Variants in DNM1 observed in about 807,000 individuals in gnomAD.
DNM1 encodes dynamin-1.
A neutral mutation model predicts 104.6 loss-of-function variants in DNM1; 29 were observed. That is an observed-to-expected ratio of 0.28 (90% CI 0.21 to 0.38). The LOEUF (loss-of-function observed/expected upper bound fraction) is 0.38. Among genes scored for constraint, DNM1 ranks in the 10% least tolerant of loss-of-function variants. The pLI, the probability that DNM1 is intolerant of heterozygous loss-of-function variation, is 1.00. For missense variants in DNM1, 640 were observed against 1,189.4 expected (o/e 0.54, Z 6.79); for synonymous variants, 445 against 475.8 (o/e 0.94, Z 0.84).
chr9:128,217,377 TG>T (rs1274205336), intron 1 of DNM1, among the ~76,000 whole-genome samples: 5 of 152,190 alleles, frequency 3.3e-5, no homozygotes, highest in Non-Finnish European at 5.9e-5. Context: ...ACTAAGCGCC[TG>T]GCATGCAGTA....
At chr9:128,221,938 T>C (rs1208579382) in intron 6 of DNM1, among the ~76,000 whole-genome samples, 4 of 152,150 alleles carry the variant, frequency 2.6e-5, no homozygotes, top group African/African-American at 7.2e-5. Flanking sequence ...AAAGATTAAA[T>C]TGGCCAAAAA....
rs1835103921 is a variant in DNM1, at chr9:128,222,865, G to A, written c.1196+5G>A. On this transcript the variant is annotated splice_donor_5th_base_variant and intron_variant, in intron 9 of 21. Transcript: ENST00000372923. The surrounding 1 kb of genome is among the most constrained non-coding windows in gnomAD (Gnocchi z 7.8). ...CAAGAATATCCATGGCATTAGGCAC[G>A]TATTGGGGCCTGGGAGGGTGGCTGA... 3 of 1,613,908 alleles carry A rather than the reference G, an allele frequency of 1.9e-6. No individual in the cohort carries two copies. Among genetic ancestry groups the A allele is most frequent in the Non-Finnish European group, 2.5e-6 (3 of 1,179,908 alleles).
At position 128,243,166 on chromosome 9, in the gene DNM1, C is replaced by A. The variant is rs1050188765; in HGVS notation, c.1671+821C>A. On this transcript the variant is annotated intron_variant, in intron 15 of 21. Transcript: ENST00000372923. The surrounding 1 kb of genome is among the most constrained non-coding windows in gnomAD (Gnocchi z 4.0). ...CCGAGGTGCCACAAAAAACCCCTCC[C>A]CGCCCACTAGGGTGCACAGAAGCCC... Among the ~76,000 whole-genome samples the A allele has an allele frequency of 6.6e-6, 1 of 152,192 alleles. No individual in the cohort carries two copies. The highest frequency in any genetic ancestry group is 1.5e-5 in the Non-Finnish European group (1 of 68,030).
In DNM1 at chr9:128,240,863, C is replaced by T; in HGVS notation, c.1557+867C>T. ...GCAGGAGGTCCCTGGTGCAGGGCTGCAGAGAGGGCTTAGGATGAGCAGAGA... is the reference window on the plus strand; with the variant it reads ...GCAGGAGGTCCCTGGTGCAGGGCTGTAGAGAGGGCTTAGGATGAGCAGAGA... On this transcript the variant is annotated intron_variant, in intron 14 of 21. Transcript: ENST00000372923. This position sits in a 1 kb window ranked among gnomAD's most constrained non-coding sequence, Gnocchi z 5.1. 1 of 153,116 alleles carries T rather than the reference C, an allele frequency of 6.5e-6. No individual in the cohort carries two copies. Among genetic ancestry groups the T allele is most frequent in the Non-Finnish European group, 1.5e-5 (1 of 68,664 alleles). The allele number at this position is 153,116 out of a possible 1,614,324, so 9.5% of individuals were successfully genotyped here. A position where few individuals can be genotyped will look rare whatever the true frequency, so the allele number is the denominator to read the frequency against.
At chr9:128,246,055 G>T (rs866432623) in intron 15 of DNM1, among the ~76,000 whole-genome samples, 83 of 152,346 alleles carry the variant, frequency 5.4e-4, no homozygotes, top group Middle Eastern at 3.4e-3. Flanking sequence ...CAGGCCGGGG[G>T]TGAGAGAGGC....
At position 128,254,681 on chromosome 9, in the gene DNM1, T is replaced by C; in HGVS notation, c.2562T>C (p.Arg854=). Residue 854 remains arginine (R), a synonymous_variant, in exon 22 of 22, where the codon CGT becomes CGC. Coordinates refer to ENST00000372923, the MANE Select transcript of DNM1 (RefSeq NM_004408.4). The surrounding 1 kb of genome is among the most constrained non-coding windows in gnomAD (Gnocchi z 6.1). ...GATCGGGTCAGGCAAGTCCATCCCGTCCTGAGAGCCCCAGGCCCCCCTTCG... is the reference window on the plus strand; with the variant it reads ...GATCGGGTCAGGCAAGTCCATCCCGCCCTGAGAGCCCCAGGCCCCCCTTCG... The part of the protein sequence containing the change: ...PSRSGQASPS[R]PESPRPPFDL The C allele has an allele frequency of 1.3e-6, 2 of 1,595,840 alleles. No homozygotes were observed. The highest frequency in any genetic ancestry group is 1.7e-6 in the Non-Finnish European group (2 of 1,179,564).
At chr9:128,228,108 C>G (rs964078496) in intron 10 of DNM1, among the ~76,000 whole-genome samples, 16 of 151,968 alleles carry the variant, frequency 1.1e-4, no homozygotes, top group Admixed American at 2.0e-4. Context: ...GTGGTGCCAT[C>G]TCGGCTCACT....
intron 12 of DNM1, 83 bp downstream of exon 12, chr9:128,239,598 GT>G: frequency 7.9e-7 from 1 of 1,270,912 alleles, no homozygotes; most frequent in South Asian, 1.3e-5. Context: ...GTGTGTGTGT[GT>G]GTGTGTGTGT....
At chr9:128,229,162 C>T (rs1248059323) in intron 10 of DNM1, among the ~76,000 whole-genome samples, 4 of 151,932 alleles carry the variant, frequency 2.6e-5, no homozygotes, top group Admixed American at 6.6e-5. Context: ...GAAGCTGAAG[C>T]GGGAGGATTG....
chr9:128,210,440 C>T (rs1029901756), intron 1 of DNM1, among the ~76,000 whole-genome samples: 1 of 151,824 alleles, frequency 6.6e-6, no homozygotes, highest in African/African-American at 2.4e-5. Flanking sequence ...CAGCTCACTG[C>T]AACCTCCGCC....
At chr9:128,232,438 G>A (rs549466174) in intron 10 of DNM1, 40 of 173,496 alleles carry the variant, frequency 2.3e-4, no homozygotes, top group African/African-American at 8.6e-4. Context: ...GCACAGCCAC[G>A]GGATGATGGG....
At chr9:128,214,660 TGAGAGGTGTTTGTTTCGTC>T (rs1834499170) in intron 1 of DNM1, among the ~76,000 whole-genome samples, 1 of 152,190 alleles carries the variant, frequency 6.6e-6, no homozygotes, top group Non-Finnish European at 1.5e-5. Flanking sequence ...TTGGGGTTCC[TGAGAGGTGTTTGTTTCGTC>T]CCCTCATGTT....
chr9:128,240,749 G>A lies in DNM1; in HGVS notation c.1557+753G>A, dbSNP rs1219816385. On this transcript the variant is annotated intron_variant, in intron 14 of 21. Coordinates refer to ENST00000372923, the MANE Select transcript of DNM1 (RefSeq NM_004408.4). This position sits in a 1 kb window ranked among gnomAD's most constrained non-coding sequence, Gnocchi z 5.1. ...CACTAGCTGGTGCCTACACGGTGCT[G>A]GCCCCTGGACAGGACGTGGAGACCT... is the stretch of plus-strand genomic sequence containing the variant. 6.6e-6 allele frequency: 1 copy of A among 152,452 alleles called. No homozygotes were observed. Among genetic ancestry groups the A allele is most frequent in the Non-Finnish European group, 1.5e-5 (1 of 68,246 alleles). The allele number at this position is 152,452 out of a possible 1,614,324, so 9.4% of individuals were successfully genotyped here. A position where few individuals can be genotyped will look rare whatever the true frequency, so the allele number is the denominator to read the frequency against.
chr9:128,231,057 C>G (rs551388460), intron 10 of DNM1, among the ~76,000 whole-genome samples: 1 of 152,174 alleles, frequency 6.6e-6, no homozygotes, highest in African/African-American at 2.4e-5. Context: ...CCTGCCTCGA[C>G]CTCCCAAAGT....
chr9:128,239,047 G>T (rs773791293), intron 11 of DNM1, among the ~76,000 whole-genome samples: 7 of 151,746 alleles, frequency 4.6e-5, no homozygotes, highest in African/African-American at 7.3e-5. Context: ...TTCTAGGCTG[G>T]AATGCAGTGG....
intron 1 of DNM1, among the ~76,000 whole-genome samples, chr9:128,207,338 C>CAGAT (rs1834029754): frequency 1.3e-5 from 2 of 151,782 alleles, no homozygotes; most frequent in Non-Finnish European, 2.9e-5. Flanking sequence ...GATTTAAACC[C>CAGAT]GAGAGTAGAT....
chr9:128,205,474 C>T (rs1833884025), intron 1 of DNM1, among the ~76,000 whole-genome samples: 1 of 152,194 alleles, frequency 6.6e-6, no homozygotes, highest in South Asian at 2.1e-4. Context: ...AGGTTAGATG[C>T]CTTGCCCAAG....
At chr9:128,242,528 G>T (rs1009802544) in intron 15 of DNM1, among the ~76,000 whole-genome samples, 183 bp downstream of exon 15, 1 of 152,154 alleles carries the variant, frequency 6.6e-6, no homozygotes, top group South Asian at 2.1e-4. Flanking sequence ...GGGAGGCCGA[G>T]GCAGGTGGAT....
chr9:128,252,334 A>C, intron 21 of DNM1: 1 of 366,900 alleles, frequency 2.7e-6, no homozygotes, highest in Admixed American at 3.8e-5. Context: ...CAGTCTTGCT[A>C]ACACACATGA....
Sources: allele counts gnomAD v4.1 joint callset (sites outside exome capture counted in the v4.1 genomes callset), GRCh38; gene constraint gnomAD v4.1.1; non-coding constraint Gnocchi (gnomAD v3.1); transcripts MANE v1.5; gene names NCBI Gene and HGNC (gene_info 2026-07-23, HGNC 2026-07-21).